CFAP299: variants seen among roughly 807,000 people sequenced by gnomAD.
CFAP299 encodes the protein cilia and flagella associated protein 299, also known as cilia- and flagella-associated protein 299.
In CFAP299, 21 loss-of-function variants were observed where a neutral mutation model predicts 27.0. The ratio of observed to expected loss-of-function variants is 0.78; its 90% CI spans 0.55 to 1.12. CFAP299 has a LOEUF of 1.12. Among genes scored for constraint, CFAP299 ranks in the 50% most tolerant of loss-of-function variants. CFAP299 has a pLI of 0.00. For synonymous variants in CFAP299, 104 were observed against 98.1 expected, an observed-to-expected ratio of 1.06 and a Z score of -0.36; for missense variants, 310 against 276.6, an observed-to-expected ratio of 1.12 and a Z score of -0.86.
chr4:80,660,959 T>C (rs1740812059), intron 3 of CFAP299, among the ~76,000 whole-genome samples: 1 of 151,956 alleles, frequency 6.6e-6, no homozygotes, highest in African/African-American at 2.4e-5. Context: ...ACATGGGAAA[T>C]GGGGATTGTT....
At chr4:80,763,062 T>G (rs1725629012) in intron 3 of CFAP299, among the ~76,000 whole-genome samples, 2 of 152,182 alleles carry the variant, frequency 1.3e-5, no homozygotes, top group Non-Finnish European at 2.9e-5. Context: ...GTCTATGATA[T>G]GTACCCTCTG....
intron 3 of CFAP299, among the ~76,000 whole-genome samples, chr4:80,688,107 T>C (rs1257999002): frequency 1.3e-5 from 2 of 151,934 alleles, no homozygotes; most frequent in Admixed American, 1.3e-4. Flanking sequence ...GCAGCGAGGC[T>C]GGGGGAGGGG....
chr4:80,800,140 T>G (rs1275690352), intron 3 of CFAP299, among the ~76,000 whole-genome samples: 1 of 61,962 alleles, frequency 1.6e-5, no homozygotes, highest in African/African-American at 7.7e-5. Context: ...ATATATTATA[T>G]AAATATATTT....
At chr4:80,627,374 C>T (rs1449855491) in intron 3 of CFAP299, among the ~76,000 whole-genome samples, 3 of 151,908 alleles carry the variant, frequency 2.0e-5, no homozygotes, top group Non-Finnish European at 4.4e-5. Context: ...ATATGATAAA[C>T]CCCATAGCTA....
At chr4:80,387,453 G>A in intron 2 of CFAP299, 1 of 835,672 alleles carries the variant, frequency 1.2e-6, no homozygotes, top group South Asian at 1.5e-5. Flanking sequence ...AGGACTACCT[G>A]CTTGGGTTTC....
chr4:80,856,381 T>C (rs1237747529), intron 3 of CFAP299, among the ~76,000 whole-genome samples: 7 of 151,260 alleles, frequency 4.6e-5, no homozygotes, highest in Admixed American at 2.0e-4. Flanking sequence ...GTAGTTTCTT[T>C]TGCTGTGCAG....
At chr4:80,365,111 G>T (rs111726705) in intron 2 of CFAP299, among the ~76,000 whole-genome samples, 20,015 of 152,112 alleles carry the variant, frequency 0.13, 1,937 homozygotes, top group Non-Finnish European at 0.2. Context: ...ATTCCTTTGG[G>T]TATATACTCA....
intron 2 of CFAP299, among the ~76,000 whole-genome samples, chr4:80,567,531 A>T (rs1478872913): frequency 6.6e-6 from 1 of 151,852 alleles, no homozygotes; most frequent in African/African-American, 2.4e-5. Flanking sequence ...TAGTTTACGA[A>T]AAAAAGGGGA....
At chr4:80,859,000 G>C (rs1364393763) in intron 3 of CFAP299, among the ~76,000 whole-genome samples, 1 of 152,176 alleles carries the variant, frequency 6.6e-6, no homozygotes, top group African/African-American at 2.4e-5. Flanking sequence ...GTCTAATGTT[G>C]ACAGTGGGGT....
upstream of CFAP299, among the ~76,000 whole-genome samples, chr4:80,335,145 A>C (rs954631629): frequency 9.9e-5 from 15 of 152,154 alleles, no homozygotes; most frequent in African/African-American, 3.6e-4. Flanking sequence ...ACACAGCAAA[A>C]TTTTTCACTG....
intron 3 of CFAP299, among the ~76,000 whole-genome samples, chr4:80,854,989 A>T (rs1314242423): frequency 1.3e-5 from 2 of 152,130 alleles, no homozygotes; most frequent in Non-Finnish European, 2.9e-5. Flanking sequence ...GAGCAAATAA[A>T]GAAGACAAGC....
At chr4:80,465,853 C>T (rs1397408305) in intron 2 of CFAP299, among the ~76,000 whole-genome samples, 1 of 152,090 alleles carries the variant, frequency 6.6e-6, no homozygotes, top group Non-Finnish European at 1.5e-5. Flanking sequence ...CTAAAGCAGA[C>T]GGTCCCAAAG....
chr4:80,903,081 C>G lies in CFAP299; in HGVS notation c.476+32946C>G, dbSNP rs567130215. ...TGTAAATGGATTTACTGGCAAAGAC[C>G]TAGATCTTTGGTGAGATAATATTGA... On this transcript the variant is annotated intron_variant, in intron 4 of 5. Transcript: ENST00000358105. Among the ~76,000 whole-genome samples the G allele has an allele frequency of 2.0e-5, 3 of 152,132 alleles. No homozygotes were observed. The East Asian group carries it at 5.8e-4, about 29-fold the overall frequency.
intron 3 of CFAP299, among the ~76,000 whole-genome samples, chr4:80,800,412 TATTA>T (rs1728405903): frequency 1.4e-5 from 1 of 70,106 alleles, no homozygotes; most frequent in African/African-American, 6.2e-5. Context: ...TATATTGATA[TATTA>T]ATATAATATA....
chr4:80,748,994 T>A (rs1724772994), intron 3 of CFAP299, among the ~76,000 whole-genome samples: 1 of 152,190 alleles, frequency 6.6e-6, no homozygotes, highest in Non-Finnish European at 1.5e-5. Context: ...TGAACATCAT[T>A]TTTTTCTCTG....
At chr4:80,403,886 T>C (rs539295216) in intron 2 of CFAP299, among the ~76,000 whole-genome samples, 8 of 152,316 alleles carry the variant, frequency 5.3e-5, no homozygotes, top group Middle Eastern at 3.4e-3. Flanking sequence ...AATCACTTTT[T>C]GATTTAAGAC....
intron 4 of CFAP299, among the ~76,000 whole-genome samples, chr4:80,918,881 G>T (rs974953489): frequency 2.0e-5 from 3 of 152,080 alleles, no homozygotes; most frequent in African/African-American, 4.8e-5. Context: ...GGTGTTGAGG[G>T]CATAGGTTCT....
intron 2 of CFAP299, among the ~76,000 whole-genome samples, chr4:80,384,045 T>C (rs1473634641): frequency 6.6e-6 from 1 of 152,186 alleles, no homozygotes; most frequent in East Asian, 1.9e-4. Context: ...TTGAATCTGC[T>C]TGGCTTTTAC....
intron 2 of CFAP299, among the ~76,000 whole-genome samples, chr4:80,528,778 C>A (rs1733317152): frequency 6.6e-6 from 1 of 152,064 alleles, no homozygotes; most frequent in Admixed American, 6.6e-5. Flanking sequence ...AGATTTCACT[C>A]TCCCTCTAAT....
Sources: gnomAD v4.1 joint callset for allele counts (sites outside exome capture counted in the v4.1 genomes callset) on GRCh38, gnomAD v4.1.1 for gene constraint, MANE v1.5 for transcripts, NCBI Gene and HGNC (gene_info 2026-07-23, HGNC 2026-07-21) for gene names.